The following CNTN5 variants were observed in gnomAD, a reference collection of about 807,000 sequenced individuals.
CNTN5 encodes contactin-5.
In CNTN5, 77 loss-of-function variants were observed where a neutral mutation model predicts 129.1. The observed-to-expected ratio is 0.60, with a 90% CI of 0.50 to 0.72. The LOEUF (loss-of-function observed/expected upper bound fraction) is 0.72. Ranked by LOEUF, CNTN5 falls within the 30% of genes least tolerant of loss-of-function variation. The probability of loss-of-function intolerance (pLI) is 0.00; values close to 1 mark genes in which losing one functional copy is unlikely to be tolerated. For synonymous variants in CNTN5, 509 were observed against 465.6 expected, an observed-to-expected ratio of 1.09 and a Z score of -1.20; for missense variants, 1,478 against 1,328.8, an observed-to-expected ratio of 1.11 and a Z score of -1.75.
At chr11:100,110,048 G>A (rs925185807) in intron 13 of CNTN5, among the ~76,000 whole-genome samples, 9 of 151,896 alleles carry the variant, frequency 5.9e-5, no homozygotes, top group African/African-American at 1.5e-4. Context: ...GCATGGTGTC[G>A]TGTTGCTGTA....
chr11:100,126,951 G>A (rs74496327), intron 13 of CNTN5, among the ~76,000 whole-genome samples: 2,724 of 151,866 alleles, frequency 0.018, 85 homozygotes, highest in African/African-American at 0.061. Context: ...ATAGGGTCCC[G>A]TTCTGACACC....
At chr11:99,418,417 A>G (rs1942754235) in intron 2 of CNTN5, among the ~76,000 whole-genome samples, 1 of 152,182 alleles carries the variant, frequency 6.6e-6, no homozygotes, top group Admixed American at 6.6e-5. Flanking sequence ...ACATCAAGCC[A>G]TTAAAGACCT....
At chr11:99,623,407 C>G (rs971674631) in intron 3 of CNTN5, among the ~76,000 whole-genome samples, 3 of 152,112 alleles carry the variant, frequency 2.0e-5, no homozygotes, top group African/African-American at 7.2e-5. Context: ...TCAGCCACTT[C>G]ATCCCCAGTA....
intron 7 of CNTN5, among the ~76,000 whole-genome samples, chr11:99,918,323 A>T (rs7935435): frequency 0.092 from 13,960 of 152,170 alleles, 1,356 homozygotes; most frequent in African/African-American, 0.24. Context: ...TATTACTGTT[A>T]AACAATCCCA....
At chr11:99,947,004 G>A in intron 7 of CNTN5, among the ~76,000 whole-genome samples, 1 of 136,076 alleles carries the variant, frequency 7.3e-6, no homozygotes, top group East Asian at 2.2e-4. Flanking sequence ...ATATAAGCAT[G>A]ATTCTACATG....
chr11:99,336,029 T>C (rs1866207138), intron 2 of CNTN5, among the ~76,000 whole-genome samples: 1 of 151,090 alleles, frequency 6.6e-6, no homozygotes, highest in Non-Finnish European at 1.5e-5. Context: ...CCTAACCTTA[T>C]TCTTGGATAA....
At chr11:99,841,791 A>ATATG (rs1306339143) in intron 4 of CNTN5, among the ~76,000 whole-genome samples, 36 of 606 alleles carry the variant, frequency 0.059, no homozygotes, top group East Asian at 0.44. Flanking sequence ...TTATATATAT[A>ATATG]TATATATATG....
intron 1 of CNTN5, among the ~76,000 whole-genome samples, chr11:99,253,216 C>G (rs930956893): frequency 6.6e-6 from 1 of 151,936 alleles, no homozygotes; most frequent in African/African-American, 2.4e-5. Context: ...TTGGAGTTCC[C>G]CTGCACCAGC....
chr11:100,274,336 CA>C (rs1950462868), intron 18 of CNTN5, among the ~76,000 whole-genome samples: 1 of 152,088 alleles, frequency 6.6e-6, no homozygotes, highest in South Asian at 2.1e-4. Flanking sequence ...ATGAAGATGA[CA>C]AAAGCAATTA....
intron 3 of CNTN5, among the ~76,000 whole-genome samples, chr11:99,712,137 C>A (rs1315680090): frequency 6.6e-6 from 1 of 152,122 alleles, no homozygotes; most frequent in East Asian, 1.9e-4. Flanking sequence ...TCCTCTCCAG[C>A]ATCTGTTGTT....
At chr11:100,209,956 C>A (rs1427322615) in intron 15 of CNTN5, among the ~76,000 whole-genome samples, 2 of 151,964 alleles carry the variant, frequency 1.3e-5, no homozygotes, top group Non-Finnish European at 2.9e-5. Context: ...TATTTATGAA[C>A]CTGTAGCTAA....
chr11:99,689,289 A>T (rs1198252028), intron 3 of CNTN5, among the ~76,000 whole-genome samples: 1 of 152,042 alleles, frequency 6.6e-6, no homozygotes, highest in Non-Finnish European at 1.5e-5. Flanking sequence ...GCATTTAGGG[A>T]GGCCAAGGCG....
chr11:99,723,514 T>C (rs1340874321), intron 3 of CNTN5, among the ~76,000 whole-genome samples: 1 of 152,164 alleles, frequency 6.6e-6, no homozygotes, highest in Non-Finnish European at 1.5e-5. Flanking sequence ...ACGTAGACAA[T>C]TTTAATAAAC....
chr11:100,252,306 G>A (rs1949979362), intron 16 of CNTN5, among the ~76,000 whole-genome samples: 1 of 152,120 alleles, frequency 6.6e-6, no homozygotes, highest in African/African-American at 2.4e-5. Flanking sequence ...CATATATGCT[G>A]CACATTAATC....
intron 13 of CNTN5, among the ~76,000 whole-genome samples, chr11:100,136,117 A>G (rs1946516022): frequency 6.6e-6 from 1 of 152,150 alleles, no homozygotes; most frequent in Admixed American, 6.6e-5. Context: ...GATGTGACTA[A>G]ATCATCCATA....
chr11:99,353,492 C>T (rs1356288251), intron 2 of CNTN5, among the ~76,000 whole-genome samples: 1 of 152,172 alleles, frequency 6.6e-6, no homozygotes, highest in African/African-American at 2.4e-5. Flanking sequence ...CTGTACCCTG[C>T]ATTTACATTG....
At chr11:99,934,917 T>G (rs1478902214) in intron 7 of CNTN5, among the ~76,000 whole-genome samples, 1 of 10,556 alleles carries the variant, frequency 9.5e-5, no homozygotes, top group Admixed American at 1.1e-3. Flanking sequence ...TATATATATA[T>G]ATATATATAT....
chr11:100,039,849 T>C (rs948200786), intron 9 of CNTN5, among the ~76,000 whole-genome samples: 10 of 152,208 alleles, frequency 6.6e-5, no homozygotes, highest in Non-Finnish European at 8.8e-5. Context: ...TCTGCATTGG[T>C]TATCCTGGTT....
At chr11:99,084,049 T>G (rs1029510409) in intron 1 of CNTN5, among the ~76,000 whole-genome samples, 44 of 152,344 alleles carry the variant, frequency 2.9e-4, no homozygotes, top group African/African-American at 7.9e-4. Flanking sequence ...AGTTATTATT[T>G]GAGTGCTTGA....
Sources: gnomAD v4.1 joint callset for allele counts (sites outside exome capture counted in the v4.1 genomes callset) on GRCh38, gnomAD v4.1.1 for gene constraint, MANE v1.5 for transcripts, NCBI Gene and HGNC (gene_info 2026-07-23, HGNC 2026-07-21) for gene names.